SNX13: variants seen among roughly 807,000 people sequenced by gnomAD.
SNX13 encodes the protein sorting nexin-13.
In SNX13, 45 loss-of-function variants were observed where a neutral mutation model predicts 133.6. The observed-to-expected ratio is 0.34, with a 90% confidence interval of 0.27 to 0.43. SNX13 has a LOEUF of 0.43. Ranked by LOEUF, SNX13 falls within the 20% of genes least tolerant of loss-of-function variation. The pLI is 1.00. For synonymous variants in SNX13, 414 were observed against 373.9 expected, an observed-to-expected ratio of 1.11 and a Z score of -1.24; for missense variants, 1,032 against 1,145.1, an observed-to-expected ratio of 0.90 and a Z score of 1.43.
At chr7:17,853,996 C>G (rs1791570995) in intron 9 of SNX13, among the ~76,000 whole-genome samples, 1 of 151,622 alleles carries the variant, frequency 6.6e-6, no homozygotes, top group African/African-American at 2.4e-5. Context: ...TGGCAATACA[C>G]AGAATCCTAA....
chr7:17,890,279 T>C (rs1177116709), intron 5 of SNX13, 84 bp downstream of exon 5: 2 of 1,299,748 alleles, frequency 1.5e-6, no homozygotes, highest in Non-Finnish European at 1.0e-6. Context: ...TAATAAACAA[T>C]TCCTCCCCTT....
At chr7:17,863,447 A>G (rs1489228359) in intron 9 of SNX13, among the ~76,000 whole-genome samples, 2 of 152,200 alleles carry the variant, frequency 1.3e-5, no homozygotes, top group Admixed American at 1.3e-4. Context: ...GGAGGAATAC[A>G]GAGGGCTGTG....
chr7:17,877,554 TATA>T (rs1466745128), intron 5 of SNX13, among the ~76,000 whole-genome samples: 3 of 152,054 alleles, frequency 2.0e-5, no homozygotes, highest in Non-Finnish European at 2.9e-5. Context: ...AAGCAGAATA[TATA>T]ATATTTCAAG....
At position 17,793,995 on chromosome 7, in the gene SNX13, C is replaced by G. The variant is rs373773319; in HGVS notation, c.*50G>C. The G allele has an allele frequency of 1.9e-5, 30 of 1,589,912 alleles. No individual in the cohort carries two copies. Among genetic ancestry groups the G allele is most frequent in the Non-Finnish European group, 2.5e-5 (29 of 1,167,340 alleles). On this transcript the variant is annotated 3_prime_UTR_variant, in exon 26 of 26. Transcript: ENST00000428135. ...TGAGTTAAGCCCCAGAAGATCTGTC[C>G]ATACCATTAGTCCTGGACAAAATGA...
intron 5 of SNX13, among the ~76,000 whole-genome samples, chr7:17,885,887 C>A (rs888532556): frequency 6.6e-6 from 1 of 152,056 alleles, no homozygotes; most frequent in African/African-American, 2.4e-5. Flanking sequence ...GATAAAATTT[C>A]TAATTTTAAA....
In SNX13 at chr7:17,875,500, G is replaced by A; in HGVS notation, c.644C>T (p.Thr215Ile). ...AAAACCTTCTTCATCTTTGGGGGAA[G>A]TGCACACTAGATCACGGCAAACCTC... ...EKEVCRDLVCTSPKDEEGFLR... is the reference protein window; with the variant it reads ...EKEVCRDLVCISPKDEEGFLR... The change falls in exon 7 of 26, where the codon ACT becomes ATT. Residue 215 changes from threonine (T) to isoleucine (I), a missense_variant. Transcript: ENST00000428135. The A allele has an allele frequency of 6.2e-7, 1 of 1,609,014 alleles. No individual in the cohort carries two copies. The highest frequency in any genetic ancestry group is 8.5e-7 in the Non-Finnish European group (1 of 1,178,894).
chr7:17,806,081 T>C (rs1025877086), intron 20 of SNX13, among the ~76,000 whole-genome samples: 2 of 152,194 alleles, frequency 1.3e-5, no homozygotes, highest in Non-Finnish European at 2.9e-5. Context: ...AGTGTACACT[T>C]AGCTGTCCTT....
At chr7:17,808,207 T>A (rs934842142) in intron 20 of SNX13, among the ~76,000 whole-genome samples, 1 of 151,962 alleles carries the variant, frequency 6.6e-6, no homozygotes, top group African/African-American at 2.4e-5. Context: ...ACTAAGAACC[T>A]TGAAAAACAG....
chr7:17,812,956 G>A lies in SNX13; in HGVS notation c.2064+1878C>T, dbSNP rs138508254. 1.1e-4 allele frequency among the ~76,000 whole-genome samples: 16 copies of A among 152,072 alleles called. 1 individual carries two copies. Among genetic ancestry groups the A allele is most frequent in the Non-Finnish European group, 1.5e-4 (10 of 67,980 alleles). The stretch of plus-strand genomic sequence containing the variant: ...CACAGGGAGGGAAACATCATACACC[G>A]GGCCTGTCAGGGGGTTGAGGGCTAG... On this transcript the variant is annotated intron_variant, in intron 20 of 25. Coordinates refer to ENST00000428135, the MANE Select transcript of SNX13 (RefSeq NM_015132.5).
chr7:17,871,100 G>C (rs1794056530), intron 8 of SNX13, among the ~76,000 whole-genome samples: 1 of 152,018 alleles, frequency 6.6e-6, no homozygotes, highest in African/African-American at 2.4e-5. Flanking sequence ...CCGCCTCCCG[G>C]GTTCATGCCA....
At chr7:17,899,310 A>G (rs1349978830) in intron 1 of SNX13, 1 of 152,094 alleles carries the variant, frequency 6.6e-6, no homozygotes, top group East Asian at 1.9e-4. Flanking sequence ...AAATCTGCTC[A>G]GTGTTCTATA....
intron 20 of SNX13, among the ~76,000 whole-genome samples, chr7:17,806,770 T>A (rs951445368): frequency 7.2e-5 from 11 of 152,122 alleles, no homozygotes; most frequent in Non-Finnish European, 1.6e-4. Context: ...CTCATCTCAC[T>A]GGGACTAGTT....
chr7:17,807,088 G>A (rs372510735), intron 20 of SNX13, among the ~76,000 whole-genome samples: 4 of 152,138 alleles, frequency 2.6e-5, no homozygotes, highest in Non-Finnish European at 5.9e-5. Flanking sequence ...GAGGTGCCTG[G>A]AATGCCACCG....
At position 17,833,930 on chromosome 7, in the gene SNX13, T is replaced by A. The variant is rs573464661; in HGVS notation, c.1597+122A>T. On this transcript the variant is annotated intron_variant, in intron 15 of 25. Coordinates refer to ENST00000428135, the MANE Select transcript of SNX13 (RefSeq NM_015132.5). ...CTTTGTCATTCATTTGTAGATTTTTTAATATATTACAGTTTATATTTGGAC... is the reference window on the plus strand; with the variant it reads ...CTTTGTCATTCATTTGTAGATTTTTAAATATATTACAGTTTATATTTGGAC... The A allele has an allele frequency of 1.7e-4, 111 of 645,988 alleles. No homozygotes were observed. The African/African-American group carries it at 1.7e-3, about 10-fold the overall frequency. 40.0% of individuals were successfully genotyped at this position (645,988 alleles called of 1,614,324 possible).
intron 18 of SNX13, among the ~76,000 whole-genome samples, chr7:17,817,182 T>TA (rs1218604130): frequency 6.6e-6 from 1 of 152,198 alleles, no homozygotes; most frequent in Admixed American, 6.5e-5. Context: ...GTCTAGCACT[T>TA]ATGGACTTAA....
At chr7:17,938,457 T>C (rs1802364915) in intron 1 of SNX13, among the ~76,000 whole-genome samples, 1 of 152,200 alleles carries the variant, frequency 6.6e-6, no homozygotes, top group African/African-American at 2.4e-5. Context: ...AAGACTTTAG[T>C]ACAATTTAAT....
intron 21 of SNX13, 48 bp downstream of exon 21, chr7:17,803,371 T>C (rs1393266122): frequency 8.6e-6 from 13 of 1,518,228 alleles, no homozygotes; most frequent in Non-Finnish European, 1.1e-5. Context: ...TACATCTTAT[T>C]GACTTAAAAA....
intron 1 of SNX13, among the ~76,000 whole-genome samples, chr7:17,911,625 G>A (rs560461424): frequency 1.1e-4 from 14 of 131,674 alleles, no homozygotes; most frequent in South Asian, 5.5e-4. Flanking sequence ...GCAACAGAGC[G>A]AGACTCTGTC....
intron 5 of SNX13, among the ~76,000 whole-genome samples, chr7:17,886,128 T>C (rs1219085801): frequency 6.6e-6 from 1 of 151,978 alleles, no homozygotes; most frequent in Admixed American, 6.6e-5. Flanking sequence ...GTAAGAAAAT[T>C]GGTAAAACTT....
Sources: allele counts gnomAD v4.1 joint callset (sites outside exome capture counted in the v4.1 genomes callset), GRCh38; gene constraint gnomAD v4.1.1; transcripts MANE v1.5; gene names NCBI Gene and HGNC (gene_info 2026-07-23, HGNC 2026-07-21).